The following PDE3A variants were observed in gnomAD, a reference collection of about 807,000 sequenced individuals.
The protein encoded by PDE3A is cGMP-inhibited 3',5'-cyclic phosphodiesterase 3A.
In PDE3A, 43 loss-of-function variants were observed where a neutral mutation model predicts 98.3. That is an observed-to-expected ratio of 0.44 (90% CI 0.34 to 0.56). The LOEUF (loss-of-function observed/expected upper bound fraction) is 0.56. PDE3A is among the 20% of genes least tolerant of loss of function. The pLI is 0.01. For synonymous variants in PDE3A, 663 were observed against 567.9 expected (o/e 1.17, Z -2.38); for missense variants, 1,427 against 1,440.7 (o/e 0.99, Z 0.15).
At chr12:20,538,267 G>A (rs369281227) in intron 1 of PDE3A, among the ~76,000 whole-genome samples, 1 of 152,116 alleles carries the variant, frequency 6.6e-6, no homozygotes, top group African/African-American at 2.4e-5. Context: ...GGATGTTGGG[G>A]TGGAGGGAAT....
chr12:20,654,652 A>G (rs537562402), intron 15 of PDE3A, among the ~76,000 whole-genome samples: 44 of 138,664 alleles, frequency 3.2e-4, no homozygotes, highest in African/African-American at 1.2e-3. Context: ...GCGCAACACT[A>G]CACCCGGCTT....
intron 2 of PDE3A, among the ~76,000 whole-genome samples, chr12:20,574,656 T>G (rs1942884645): frequency 6.6e-6 from 1 of 151,970 alleles, no homozygotes; most frequent in Non-Finnish European, 1.5e-5. Flanking sequence ...CTGTATATCA[T>G]GCTATACAAG....
chr12:20,422,086 C>T (rs953252710), intron 1 of PDE3A, among the ~76,000 whole-genome samples: 12 of 152,188 alleles, frequency 7.9e-5, no homozygotes, highest in African/African-American at 2.9e-4. Context: ...ATGGCTCACG[C>T]CTGTAATCCT....
At chr12:20,637,780 A>G (rs1395480236) in intron 9 of PDE3A, among the ~76,000 whole-genome samples, 1 of 152,160 alleles carries the variant, frequency 6.6e-6, no homozygotes, top group Admixed American at 6.6e-5. Flanking sequence ...TTTAGGCTAG[A>G]CTACTCTCAA....
intron 1 of PDE3A, among the ~76,000 whole-genome samples, chr12:20,548,525 T>C (rs1375311341): frequency 1.3e-5 from 2 of 152,102 alleles, no homozygotes; most frequent in Non-Finnish European, 2.9e-5. Flanking sequence ...ATTTTTCCAG[T>C]CTCAATCTCT....
intron 2 of PDE3A, among the ~76,000 whole-genome samples, chr12:20,607,601 T>C (rs1305715343): frequency 1.3e-5 from 2 of 152,092 alleles, no homozygotes; most frequent in Non-Finnish European, 2.9e-5. Flanking sequence ...CCAAATTTGG[T>C]TGCCATTTAA....
chr12:20,573,745 T>C (rs1399277527), intron 2 of PDE3A, among the ~76,000 whole-genome samples: 2 of 152,134 alleles, frequency 1.3e-5, no homozygotes, highest in Admixed American at 6.6e-5. Flanking sequence ...ATAAATTCAT[T>C]TTTATTTAAT....
chr12:20,498,713 C>G (rs2121074248), intron 1 of PDE3A, among the ~76,000 whole-genome samples: 1 of 152,238 alleles, frequency 6.6e-6, no homozygotes, highest in African/African-American at 2.4e-5. Context: ...AAGGCGTTTA[C>G]TTCTTCAAGC....
At chr12:20,532,070 G>A (rs1208032845) in intron 1 of PDE3A, among the ~76,000 whole-genome samples, 1 of 151,966 alleles carries the variant, frequency 6.6e-6, no homozygotes, top group Non-Finnish European at 1.5e-5. Flanking sequence ...CAGATACATT[G>A]AAAACTTTAA....
chr12:20,369,446 G>T lies in PDE3A; in HGVS notation c.162G>T (p.Pro54=). ...GCTGGGGAGACCTGGTGCTGCAGCC[G>T]CTCCGGAGCTCTCGGAAACTTTCCT... ...RGCWGDLVLQ[P]LRSSRKLSSA... is the part of the protein sequence containing the mutation. Residue 54 remains proline (P), a synonymous_variant, in exon 1 of 16, where the codon CCG becomes CCT. Coordinates refer to ENST00000359062, the MANE Select transcript of PDE3A (RefSeq NM_000921.5). 1 of 1,555,326 alleles carries T rather than the reference G, an allele frequency of 6.4e-7. No individual in the cohort carries two copies. The highest frequency in any genetic ancestry group is 8.7e-7 in the Non-Finnish European group (1 of 1,150,378).
Position 20,369,622 on chromosome 12 carries a change from CG to C in PDE3A, c.342del (p.Pro115LeufsTer92). ...AAPGAEGGVF[P>X]GPRGGAPGGG... Reference sequence around the variant, plus strand: ...CCGGGAGCAGAAGGGGGCGTCTTCCCGGGGCCTCGGGGAGGTGCTCCCGGGG... The same window carrying C: ...CCGGGAGCAGAAGGGGGCGTCTTCCCGGGCCTCGGGGAGGTGCTCCCGGGG... On this transcript the variant is annotated frameshift_variant, in exon 1 of 16. Coordinates refer to ENST00000359062, the MANE Select transcript of PDE3A (RefSeq NM_000921.5). LOFTEE classifies it high-confidence loss of function. The C allele has an allele frequency of 6.3e-7, 1 of 1,580,304 alleles. No individual in the cohort carries two copies.
At chr12:20,399,489 C>T (rs1035881382) in intron 1 of PDE3A, among the ~76,000 whole-genome samples, 3 of 152,134 alleles carry the variant, frequency 2.0e-5, no homozygotes, top group Non-Finnish European at 4.4e-5. Context: ...GAAAGGCATA[C>T]ATGAAACACA....
At chr12:20,536,464 G>A (rs771909631) in intron 1 of PDE3A, among the ~76,000 whole-genome samples, 4 of 151,850 alleles carry the variant, frequency 2.6e-5, no homozygotes, top group African/African-American at 7.3e-5. Context: ...TGGAGCTATC[G>A]CCACTAATCC....
intron 1 of PDE3A, among the ~76,000 whole-genome samples, chr12:20,497,686 A>C (rs1945945239): frequency 1.3e-5 from 2 of 152,200 alleles, no homozygotes; most frequent in Admixed American, 1.3e-4. Context: ...GATTATTCAA[A>C]AGAGATGGAA....
intron 6 of PDE3A, 120 bp from the exon 7 acceptor site, chr12:20,633,569 CAAAT>C (rs374876085): frequency 3.3e-4 from 171 of 517,928 alleles, no homozygotes; most frequent in African/African-American, 2.7e-3. Flanking sequence ...TTTCACAAAA[CAAAT>C]AAGCAGAAGG....
chr12:20,632,175 C>T (rs1057085211), intron 6 of PDE3A, among the ~76,000 whole-genome samples: 10 of 152,164 alleles, frequency 6.6e-5, no homozygotes, highest in Non-Finnish European at 1.3e-4. Flanking sequence ...CCTTTCTTTT[C>T]CCTTTTTGTC....
In PDE3A at chr12:20,686,257, C is replaced by T. The variant is rs1945958345; in HGVS notation, c.*5986C>T. On this transcript the variant is annotated 3_prime_UTR_variant, in exon 16 of 16. Coordinates refer to ENST00000359062, the MANE Select transcript of PDE3A (RefSeq NM_000921.5). ...CTTTGTACAAATTATAGTCTGAGAT[C>T]TTCTGAGTTTTCCTAAGACAAAGGA... 6.6e-6 allele frequency among the ~76,000 whole-genome samples: 1 copy of T among 152,092 alleles called. No homozygotes were observed. The highest frequency in any genetic ancestry group is 1.5e-5 in the Non-Finnish European group (1 of 67,994).
chr12:20,474,107 T>C (rs1945486111), intron 1 of PDE3A, among the ~76,000 whole-genome samples: 1 of 152,032 alleles, frequency 6.6e-6, no homozygotes, highest in African/African-American at 2.4e-5. Context: ...CCCGGCAGGG[T>C]GGGTGAATTC....
intron 2 of PDE3A, among the ~76,000 whole-genome samples, chr12:20,577,783 C>G (rs1339623473): frequency 6.6e-6 from 1 of 152,126 alleles, no homozygotes; most frequent in African/African-American, 2.4e-5. Flanking sequence ...TTAACACATA[C>G]AGGAAATGTG....
Sources: allele counts gnomAD v4.1 joint callset (sites outside exome capture counted in the v4.1 genomes callset), GRCh38; gene constraint gnomAD v4.1.1; transcripts MANE v1.5; gene names NCBI Gene and HGNC (gene_info 2026-07-23, HGNC 2026-07-21).